Variants in PTPRA observed in about 807,000 individuals in gnomAD.
PTPRA encodes protein tyrosine phosphatase receptor type A.
Under a neutral mutation model 104.8 loss-of-function variants are expected in PTPRA, and 25 were observed. That is an observed-to-expected ratio of 0.24 (90% CI 0.17 to 0.33). The LOEUF is 0.33. Among genes scored for constraint, PTPRA ranks in the 10% least tolerant of loss-of-function variants. The pLI, the probability that PTPRA is intolerant of heterozygous loss-of-function variation, is 1.00. For missense variants in PTPRA, 765 were observed against 1,015.3 expected (o/e 0.75, Z 3.35); for synonymous variants, 323 against 368.9 (o/e 0.88, Z 1.43).
intron 10 of PTPRA, among the ~76,000 whole-genome samples, chr20:3,006,341 A>G (rs2063869035): frequency 6.6e-6 from 1 of 152,042 alleles, no homozygotes; most frequent in Non-Finnish European, 1.5e-5. Context: ...TGCATCTACC[A>G]TGCCTGGCTG....
At chr20:2,939,845 G>A (rs1160595063) in intron 2 of PTPRA, among the ~76,000 whole-genome samples, 1 of 152,176 alleles carries the variant, frequency 6.6e-6, no homozygotes, top group Middle Eastern at 3.2e-3. Flanking sequence ...GGTGGCTGAC[G>A]CCTACAATCC....
intron 10 of PTPRA, among the ~76,000 whole-genome samples, chr20:3,005,502 G>A (rs2063822070): frequency 6.6e-6 from 1 of 152,152 alleles, no homozygotes; most frequent in Non-Finnish European, 1.5e-5. Context: ...AGTGACCCAA[G>A]ATCGTGTCAC....
At chr20:2,958,224 A>C (rs1486873022) in intron 3 of PTPRA, among the ~76,000 whole-genome samples, 1 of 152,116 alleles carries the variant, frequency 6.6e-6, no homozygotes, top group African/African-American at 2.4e-5. Context: ...AACTACAAGG[A>C]TAGAAAGTGT....
chr20:3,029,314 A>AT (rs979427623), intron 20 of PTPRA, among the ~76,000 whole-genome samples: 2 of 151,118 alleles, frequency 1.3e-5, no homozygotes, highest in African/African-American at 4.9e-5. Flanking sequence ...TAGTTTTTGT[A>AT]TTTTTTTGTA....
intron 1 of PTPRA, among the ~76,000 whole-genome samples, chr20:2,914,629 C>G (rs148518575): frequency 1.2e-4 from 18 of 152,134 alleles, no homozygotes; most frequent in Non-Finnish European, 2.1e-4. Context: ...TTGATCAATC[C>G]CCTTGAATGT....
At chr20:2,921,059 GA>G (rs1715498685) in intron 1 of PTPRA, among the ~76,000 whole-genome samples, 1 of 152,092 alleles carries the variant, frequency 6.6e-6, no homozygotes, top group Admixed American at 6.6e-5. Context: ...ATTGTACCTG[GA>G]AAGAGAAATG....
intron 6 of PTPRA, among the ~76,000 whole-genome samples, chr20:2,977,049 G>A (rs573749566): frequency 1.1e-4 from 16 of 151,980 alleles, no homozygotes; most frequent in South Asian, 6.2e-4. Flanking sequence ...AGGCCAAGGC[G>A]GGTGGATCAC....
chr20:2,980,598 A>G (rs2062631463), intron 6 of PTPRA, among the ~76,000 whole-genome samples: 1 of 151,776 alleles, frequency 6.6e-6, no homozygotes, highest in Non-Finnish European at 1.5e-5. Context: ...GCACATAATC[A>G]TAGCATTTTG....
chr20:2,883,699 G>GAGC (rs2090203239), intron 1 of PTPRA, among the ~76,000 whole-genome samples: 1 of 150,196 alleles, frequency 6.7e-6, no homozygotes, highest in Non-Finnish European at 1.5e-5. Context: ...TGCAATGGTA[G>GAGC]AGCGTTTTCC....
chr20:3,005,201 A>AT (rs1439555297), intron 10 of PTPRA, 55 bp downstream of exon 10: 1 of 1,491,122 alleles, frequency 6.7e-7, no homozygotes, highest in African/African-American at 1.4e-5. Context: ...CTCTGGAGGG[A>AT]TTTTCTGAAG....
Position 3,035,133 on chromosome 20 carries a change from G to A in PTPRA, c.1921-452G>A, listed in dbSNP as rs2065733593. ...GTACCTTGCAGATCAAAGAGATAAA[G>A]GTAAAAGGGAGAAAGGATACTGTGG... is the stretch of plus-strand genomic sequence containing the variant. On this transcript the variant is annotated intron_variant, in intron 20 of 23. Transcript: ENST00000399903. This position sits in a 1 kb window ranked among gnomAD's most constrained non-coding sequence, Gnocchi z 5.8. Among the ~76,000 whole-genome samples the A allele has an allele frequency of 1.3e-5, 2 of 152,190 alleles. No homozygotes were observed. The highest frequency in any genetic ancestry group is 1.3e-4 in the Admixed American group (2 of 15,280).
intron 13 of PTPRA, among the ~76,000 whole-genome samples, chr20:3,018,546 G>A (rs1449814408): frequency 6.6e-6 from 1 of 151,772 alleles, no homozygotes; most frequent in African/African-American, 2.4e-5. Context: ...TGGGGGTAAG[G>A]TCACAGATCT....
At chr20:2,910,150 AC>A (rs2059620148) in intron 1 of PTPRA, among the ~76,000 whole-genome samples, 3 of 94,988 alleles carry the variant, frequency 3.2e-5, no homozygotes, top group Non-Finnish European at 6.0e-5. Context: ...CATCATATAT[AC>A]TATACGTCAT....
chr20:2,872,257 C>T (rs958070686), upstream of PTPRA, among the ~76,000 whole-genome samples: 4 of 152,192 alleles, frequency 2.6e-5, no homozygotes, highest in Non-Finnish European at 4.4e-5. This position sits in a 1 kb window ranked among gnomAD's most constrained non-coding sequence, Gnocchi z 7.9. Flanking sequence ...CCTTTTGCGC[C>T]GCAGTGTTTC....
Position 3,012,912 on chromosome 20 carries a change from A to G in PTPRA, c.907-2937A>G, listed in dbSNP as rs562371824. Among the ~76,000 whole-genome samples, 140 of 152,300 alleles carry G rather than the reference A, an allele frequency of 9.2e-4. 1 individual carries two copies. Among genetic ancestry groups the G allele is most frequent in the African/African-American group, 3.2e-3 (134 of 41,566 alleles). ...CAGCCATCACCATAAATGTCTTAGA[A>G]CATTTTCTAACAACTTTATTGAGAT... On this transcript the variant is annotated intron_variant, in intron 11 of 23. Transcript: ENST00000399903.
intron 1 of PTPRA, among the ~76,000 whole-genome samples, chr20:2,891,666 A>G (rs754745467): frequency 4.6e-5 from 7 of 151,932 alleles, no homozygotes; most frequent in Admixed American, 1.3e-4. Context: ...TTAAACATTT[A>G]TAGTCTCAGA....
At chr20:2,915,334 G>A (rs771787934) in intron 1 of PTPRA, among the ~76,000 whole-genome samples, 2 of 152,008 alleles carry the variant, frequency 1.3e-5, no homozygotes, top group Admixed American at 6.6e-5. Flanking sequence ...CCAATAATGG[G>A]CATTTAGGTT....
In PTPRA at chr20:2,965,138, A is replaced by C; in HGVS notation, c.351A>C (p.Arg117Ser). 6.2e-7 allele frequency: 1 copy of C among 1,614,200 alleles called. No homozygotes were observed. Among genetic ancestry groups the C allele is most frequent in the East Asian group, 2.2e-5 (1 of 44,884 alleles). The change falls in exon 5 of 24, where the codon AGA (arginine) becomes AGC (serine). Residue 117 changes from arginine to serine, a missense_variant. Arg to Ser is a moderately radical substitution (Grantham distance 110, BLOSUM62 -1). Coordinates refer to ENST00000399903, the MANE Select transcript of PTPRA (RefSeq NM_001385305.1). ...CAGATAACCAGTTCACGGATGCCAG[A>C]ACAGAACCCTGGGAGGGGAATTCCA... ...WLPDNQFTDA[R>S]TEPWEGNSST...
At position 2,964,352 on chromosome 20, in the gene PTPRA, T is replaced by A; in HGVS notation, c.73+2T>A. ...TCAGTGCCAACAATGCTACCACAGG[T>A]AAATTGTCATTTGATAAGGCTGCTA... is the stretch of plus-strand genomic sequence containing the variant. On this transcript the variant is annotated splice_donor_variant, in intron 4 of 23. Transcript: ENST00000399903. LOFTEE classifies it high-confidence loss of function. The A allele has an allele frequency of 6.3e-7, 1 of 1,587,018 alleles. No homozygotes were observed. The highest frequency in any genetic ancestry group is 8.6e-7 in the Non-Finnish European group (1 of 1,166,174).
Sources: allele counts gnomAD v4.1 joint callset (sites outside exome capture counted in the v4.1 genomes callset), GRCh38; gene constraint gnomAD v4.1.1; non-coding constraint Gnocchi (gnomAD v3.1); transcripts MANE v1.5; gene names NCBI Gene and HGNC (gene_info 2026-07-23, HGNC 2026-07-21).